The following BIRC6 variants were observed in gnomAD, a reference collection of about 807,000 sequenced individuals.
BIRC6 encodes the protein baculoviral IAP repeat containing 6.
In BIRC6, 98 loss-of-function variants were observed where a neutral mutation model predicts 503.3. The observed-to-expected ratio is 0.19, with a 90% CI of 0.17 to 0.23. BIRC6 has a LOEUF of 0.23. Ranked by LOEUF, BIRC6 falls within the 10% of genes least tolerant of loss-of-function variation. The pLI is 1.00. For synonymous variants in BIRC6, 2,240 were observed against 2,078.7 expected, an observed-to-expected ratio of 1.08 and a Z score of -2.11; for missense variants, 5,360 against 5,806.0, an observed-to-expected ratio of 0.92 and a Z score of 2.50.
rs1348397149 is a variant in BIRC6 at position 32,442,389 on chromosome 2, T to C, written c.4172T>C (p.Val1391Ala). Residue 1391 changes from valine to alanine, a missense_variant, in exon 19 of 74, where the codon GTT (valine) becomes GCT (alanine). Coordinates refer to ENST00000421745, the MANE Select transcript of BIRC6 (RefSeq NM_016252.4). The stretch of plus-strand genomic sequence containing the variant: ...AAATTTCTGTCAGACATCGTACGTG[T>C]TTGCTTCTTTGAGGCAGGACGAAGT... ...TRKFLSDIVR[V>A]CFFEAGRSIA... 1 of 1,611,758 alleles carries C rather than the reference T, an allele frequency of 6.2e-7. No individual in the cohort carries two copies. Among genetic ancestry groups the C allele is most frequent in the East Asian group, 2.2e-5 (1 of 44,866 alleles).
chr2:32,496,318 T>A (rs959685997), intron 45 of BIRC6, among the ~76,000 whole-genome samples: 1 of 151,976 alleles, frequency 6.6e-6, no homozygotes, highest in Non-Finnish European at 1.5e-5. Flanking sequence ...CTCCACCTCC[T>A]GGGTTCGTGC....
intron 6 of BIRC6, among the ~76,000 whole-genome samples, chr2:32,399,007 T>C (rs996866398): frequency 6.6e-6 from 1 of 152,184 alleles, no homozygotes; most frequent in Non-Finnish European, 1.5e-5. Flanking sequence ...TAAAGTTCTT[T>C]CTTTGCCATG....
intron 2 of BIRC6, 86 bp from the exon 3 acceptor site, chr2:32,380,067 A>T (rs2037400495): frequency 1.0e-6 from 1 of 958,702 alleles, no homozygotes; most frequent in African/African-American, 1.7e-5. Flanking sequence ...GCATATTAAA[A>T]TATCTGAAAG....
At chr2:32,369,946 ATATATATATATAT>A (rs1341290504) in intron 1 of BIRC6, among the ~76,000 whole-genome samples, 5 of 28,420 alleles carry the variant, frequency 1.8e-4, no homozygotes, top group African/African-American at 7.3e-4. Flanking sequence ...AAAAAAAAAA[ATATATATATATAT>A]ATATATATAT....
At chr2:32,358,070 T>TTGGGGGGGGGGG (rs2033443659) in intron 1 of BIRC6, among the ~76,000 whole-genome samples, 1 of 38,544 alleles carries the variant, frequency 2.6e-5, no homozygotes, top group Admixed American at 2.3e-4. Context: ...GTGGTGGGGG[T>TTGGGGGGGGGGG]GGGGAGGGAA....
chr2:32,437,094 C>T (rs1296609983), intron 15 of BIRC6, among the ~76,000 whole-genome samples: 2 of 151,520 alleles, frequency 1.3e-5, no homozygotes, highest in Admixed American at 6.6e-5. Flanking sequence ...TTCATCATGT[C>T]GCCCAGGGTG....
At chr2:32,430,642 T>G (rs187777116) in intron 11 of BIRC6, among the ~76,000 whole-genome samples, 1 of 152,222 alleles carries the variant, frequency 6.6e-6, no homozygotes, top group Admixed American at 6.5e-5. Context: ...GTCTCTAATT[T>G]TAAATATTTA....
chr2:32,503,047 G>A lies in BIRC6; in HGVS notation c.9310G>A (p.Val3104Ile), dbSNP rs1340099058. Residue 3104 changes from valine (V) to isoleucine (I), a missense_variant, in exon 49 of 74, where the codon GTT becomes ATT. By Grantham distance (29) the Val-to-Ile change is conservative (BLOSUM62 3). Transcript: ENST00000421745. ...CATATTCTTTATAAATTTAGGTGGT[G>A]TTCAGCTCATATGCAATAATATGGT... ...ALKAFHDMGGVQLICNNMVTS... is the reference protein window; with the variant it reads ...ALKAFHDMGGIQLICNNMVTS... 1.9e-6 allele frequency: 3 copies of A among 1,588,190 alleles called. No homozygotes were observed. In the Admixed American group the frequency reaches 5.4e-5, roughly 29 times the overall value.
chr2:32,435,535 T>G lies in BIRC6; in HGVS notation c.3449T>G (p.Leu1150Arg). The change falls in exon 14 of 74, where the codon CTG becomes CGG. Residue 1150 changes from leucine to arginine, a missense_variant. This residue lies in a region of BIRC6 where 2,299 missense variants were observed against 2,267.2 expected (regional missense o/e 1.01). Coordinates refer to ENST00000421745, the MANE Select transcript of BIRC6 (RefSeq NM_016252.4). ...GTGGAACAAAATGGGAAACCGTCCC[T>G]GGTTGATTTGAATGAAGAAATGCAG... ...IEVEQNGKPSLVDLNEEMQHM... is the reference protein window; with the variant it reads ...IEVEQNGKPSRVDLNEEMQHM... The G allele has an allele frequency of 6.4e-7, 1 of 1,555,094 alleles. No individual in the cohort carries two copies. Among genetic ancestry groups the G allele is most frequent in the Non-Finnish European group, 8.7e-7 (1 of 1,148,174 alleles).
chr2:32,357,861 A>C lies in BIRC6; in HGVS notation c.325+375A>C, dbSNP rs2033357421. Among the ~76,000 whole-genome samples, 1 of 151,828 alleles carries C rather than the reference A, an allele frequency of 6.6e-6. No homozygotes were observed. Among genetic ancestry groups the C allele is most frequent in the Non-Finnish European group, 1.5e-5 (1 of 67,932 alleles). On this transcript the variant is annotated intron_variant, in intron 1 of 73. Coordinates refer to ENST00000421745, the MANE Select transcript of BIRC6 (RefSeq NM_016252.4). The surrounding 1 kb of genome is among the most constrained non-coding windows in gnomAD (Gnocchi z 4.9). Reference sequence around the variant, plus strand: ...CCTGCGTCCGGTTAGATGAGAGCGAAAGGCTGGAAGGGTTGACCCCGGGCG... The same window carrying C: ...CCTGCGTCCGGTTAGATGAGAGCGACAGGCTGGAAGGGTTGACCCCGGGCG...
intron 57 of BIRC6, among the ~76,000 whole-genome samples, chr2:32,521,365 C>CAAAAA (rs35410265): frequency 0.01 from 223 of 21,522 alleles, 66 homozygotes; most frequent in Admixed American, 0.02. Context: ...GACCTCATCT[C>CAAAAA]AAAAAAAAAA....
chr2:32,562,848 C>T (rs1385321353), intron 65 of BIRC6, among the ~76,000 whole-genome samples: 1 of 152,128 alleles, frequency 6.6e-6, no homozygotes, highest in Non-Finnish European at 1.5e-5. Context: ...TTTTGAAGAA[C>T]ATCTTGATTG....
chr2:32,444,031 G>GTTTTTTTTTTTTTTT lies in BIRC6; in HGVS notation c.4336+447_4336+461dup, dbSNP rs776568064. Among the ~76,000 whole-genome samples, 36 of 136,874 alleles carry GTTTTTTTTTTTTTTT rather than the reference G, an allele frequency of 2.6e-4. 1 individual carries two copies. The highest frequency in any genetic ancestry group is 9.7e-4 in the African/African-American group (35 of 36,182). The allele number at this position is 136,874 out of a possible 152,430, so 89.8% of individuals were successfully genotyped here. On this transcript the variant is annotated intron_variant, in intron 20 of 73. Coordinates refer to ENST00000421745, the MANE Select transcript of BIRC6 (RefSeq NM_016252.4). ...TGGAATTTCCTAAAAGGGACCAGTG[G>GTTTTTTTTTTTTTTT]TTTTTTTTTTTTTTTTTTAAAGCAC...
intron 71 of BIRC6, among the ~76,000 whole-genome samples, chr2:32,605,695 T>C (rs1476494727): frequency 6.6e-6 from 1 of 151,974 alleles, no homozygotes; most frequent in African/African-American, 2.4e-5. Flanking sequence ...CCATCTCTAC[T>C]AAAAATACAA....
chr2:32,445,279 C>G (rs540865010), intron 20 of BIRC6, among the ~76,000 whole-genome samples: 1 of 152,326 alleles, frequency 6.6e-6, no homozygotes, highest in Admixed American at 6.5e-5. Flanking sequence ...TTATAAAACT[C>G]TCCAGAAATA....
At position 32,358,036 on chromosome 2, in the gene BIRC6, G is replaced by A. The variant is rs1257321597; in HGVS notation, c.325+550G>A. 8.5e-5 allele frequency among the ~76,000 whole-genome samples: 8 copies of A among 94,234 alleles called. No individual in the cohort carries two copies. In the South Asian group the frequency reaches 3.8e-3, roughly 45 times the overall value. 61.8% of individuals were successfully genotyped at this position (94,234 alleles called of 152,430 possible). On this transcript the variant is annotated intron_variant, in intron 1 of 73. Transcript: ENST00000421745. The stretch of plus-strand genomic sequence containing the variant: ...GCTGTGCGCCCAGCGTGGGGGTGGG[G>A]GTGGGGTGGGGGTGGGGTGGGTCGT...
At chr2:32,494,517 T>G (rs575849305) in intron 45 of BIRC6, among the ~76,000 whole-genome samples, 1 of 152,062 alleles carries the variant, frequency 6.6e-6, no homozygotes, top group East Asian at 1.9e-4. Flanking sequence ...TGAGCCACTG[T>G]GCCTGGCCGA....
Position 32,445,097 on chromosome 2 carries a change from AC to A in BIRC6, c.4337-423del, listed in dbSNP as rs1352880351. On this transcript the variant is annotated intron_variant, in intron 20 of 73. Coordinates refer to ENST00000421745, the MANE Select transcript of BIRC6 (RefSeq NM_016252.4). The stretch of plus-strand genomic sequence containing the variant: ...CACTAAAATGGGCTGTTTGAAGCTC[AC>A]TGCCATCCACTATTTTTTAAAGTTT... Among the ~76,000 whole-genome samples, 3 of 152,348 alleles carry A rather than the reference AC, an allele frequency of 2.0e-5. No individual in the cohort carries two copies. In the East Asian group the frequency reaches 5.8e-4, roughly 29 times the overall value.
At chr2:32,370,165 A>C (rs1043253429) in intron 1 of BIRC6, among the ~76,000 whole-genome samples, 1 of 151,720 alleles carries the variant, frequency 6.6e-6, no homozygotes, top group African/African-American at 2.4e-5. Context: ...TATAACTGTG[A>C]TAAATTGAAC....
Sources: allele counts gnomAD v4.1 joint callset (sites outside exome capture counted in the v4.1 genomes callset), GRCh38; gene constraint gnomAD v4.1.1; regional missense constraint gnomAD v4.1.1; non-coding constraint Gnocchi (gnomAD v3.1); transcripts MANE v1.5; gene names NCBI Gene and HGNC (gene_info 2026-07-23, HGNC 2026-07-21).